The following UGT1A8 variants were observed in gnomAD, a reference collection of about 807,000 sequenced individuals.
The protein encoded by UGT1A8 is UDP-glucuronosyltransferase 1A8.
A neutral mutation model predicts 45.3 loss-of-function variants in UGT1A8; 39 were observed. The observed-to-expected ratio is 0.86, with a 90% CI of 0.67 to 1.12. UGT1A8 has a LOEUF of 1.12. Ranked by LOEUF, UGT1A8 falls within the 50% of genes most tolerant of loss-of-function variation. UGT1A8 has a pLI of 0.00. For missense variants in UGT1A8, 719 were observed against 664.9 expected, an observed-to-expected ratio of 1.08 and a Z score of -0.90; for synonymous variants, 275 against 249.2, an observed-to-expected ratio of 1.10 and a Z score of -0.97.
At chr2:233,747,007 G>A (rs1207556963) in intron 1 of UGT1A8, among the ~76,000 whole-genome samples, 1 of 151,856 alleles carries the variant, frequency 6.6e-6, no homozygotes, top group Non-Finnish European at 1.5e-5. Context: ...TTTCAAGTAG[G>A]AGTGATCGGT....
intron 1 of UGT1A8, chr2:233,671,997 C>T (rs1005652810): frequency 1.5e-5 from 24 of 1,613,980 alleles, no homozygotes; most frequent in Non-Finnish European, 2.0e-5. Flanking sequence ...TGACCTGTGG[C>T]TTTGCCGAGG....
intron 1 of UGT1A8, among the ~76,000 whole-genome samples, chr2:233,699,366 T>C (rs908833552): frequency 1.3e-5 from 2 of 152,240 alleles, no homozygotes; most frequent in African/African-American, 4.8e-5. Flanking sequence ...CTTATTGGTA[T>C]GGCTAGATTT....
intron 1 of UGT1A8, among the ~76,000 whole-genome samples, chr2:233,726,736 G>A (rs531749888): frequency 1.4e-4 from 22 of 152,274 alleles, no homozygotes; most frequent in African/African-American, 3.9e-4. Context: ...ATACTTTTGT[G>A]GGGCTGTGAT....
intron 1 of UGT1A8, among the ~76,000 whole-genome samples, chr2:233,678,168 A>G (rs7587916): frequency 0.65 from 98,049 of 152,002 alleles, 32,118 homozygotes; most frequent in African/African-American, 0.73. Flanking sequence ...GACTCCTAAA[A>G]GGGAGAGGAA....
rs1575628986 is a variant in UGT1A8 at position 233,739,340 on chromosome 2, A to AT, written c.856-27694_856-27693insT. 3.9e-5 allele frequency among the ~76,000 whole-genome samples: 6 copies of AT among 152,276 alleles called. No individual in the cohort carries two copies. In the East Asian group the frequency reaches 5.8e-4, roughly 15 times the overall value. On this transcript the variant is annotated intron_variant, in intron 1 of 4. Coordinates refer to ENST00000373450, the MANE Select transcript of UGT1A8 (RefSeq NM_019076.5). Reference sequence around the variant, plus strand: ...GAGAAGAAGGCCACAGTCCTTCAGAACCCAGAAGGGCAGATCCAATAGCTT... The same window carrying AT: ...GAGAAGAAGGCCACAGTCCTTCAGAATCCCAGAAGGGCAGATCCAATAGCTT...
At chr2:233,672,437 T>C (rs145923738) in intron 1 of UGT1A8, 199 of 1,613,868 alleles carry the variant, frequency 1.2e-4, no homozygotes, top group Non-Finnish European at 1.4e-4. Flanking sequence ...TCCGTGGTCT[T>C]CGCCAGGGGA....
At chr2:233,628,727 G>C (rs2073134898) in intron 1 of UGT1A8, among the ~76,000 whole-genome samples, 1 of 152,074 alleles carries the variant, frequency 6.6e-6, no homozygotes. Flanking sequence ...TCACCATCAA[G>C]GATGATATTA....
At chr2:233,731,900 A>G (rs2078218151) in intron 1 of UGT1A8, among the ~76,000 whole-genome samples, 1 of 152,238 alleles carries the variant, frequency 6.6e-6, no homozygotes. Flanking sequence ...CACTCCCACC[A>G]ATGGTGTAAA....
chr2:233,766,851 A>G (rs1202142571), intron 1 of UGT1A8, among the ~76,000 whole-genome samples, 183 bp from the exon 2 acceptor site: 1 of 152,234 alleles, frequency 6.6e-6, no homozygotes, highest in Non-Finnish European at 1.5e-5. Flanking sequence ...TTCCTCCTTT[A>G]GAAGGAAGTA....
In UGT1A8 at chr2:233,768,069, G is replaced by T. The variant is rs191770279; in HGVS notation, c.1075+133G>T. ...CATATCCTACATTGCTTTTTATCTAGTGGGGTATCTCAACCCACATTTTCT... is the reference window on the plus strand; with the variant it reads ...CATATCCTACATTGCTTTTTATCTATTGGGGTATCTCAACCCACATTTTCT... On this transcript the variant is annotated intron_variant, in intron 3 of 4. Transcript: ENST00000373450. The T allele has an allele frequency of 3.1e-6, 5 of 1,596,368 alleles. No homozygotes were observed. In the East Asian group the frequency reaches 1.1e-4, roughly 36 times the overall value.
intron 1 of UGT1A8, among the ~76,000 whole-genome samples, chr2:233,638,227 C>G (rs559006564): frequency 4.6e-5 from 7 of 152,230 alleles, no homozygotes; most frequent in Non-Finnish European, 1.0e-4. Context: ...AAAATTTTCA[C>G]TATATAAGCA....
chr2:233,726,805 G>A (rs2077562832), intron 1 of UGT1A8, among the ~76,000 whole-genome samples: 1 of 152,144 alleles, frequency 6.6e-6, no homozygotes, highest in African/African-American at 2.4e-5. Flanking sequence ...AAGGCTTGGA[G>A]GTTTTCCTCT....
At chr2:233,689,215 AC>A (rs2074932352) in intron 1 of UGT1A8, among the ~76,000 whole-genome samples, 1 of 152,178 alleles carries the variant, frequency 6.6e-6, no homozygotes, top group South Asian at 2.1e-4. Flanking sequence ...AGCCATACTT[AC>A]CTGCACTTCC....
At chr2:233,719,637 A>T in intron 1 of UGT1A8, 1 of 1,614,040 alleles carries the variant, frequency 6.2e-7, no homozygotes. Flanking sequence ...CATGCCCAAC[A>T]TGGTCTTCAT....
At chr2:233,752,269 G>A (rs746568947) in intron 1 of UGT1A8, 1 of 152,190 alleles carries the variant, frequency 6.6e-6, no homozygotes, top group Non-Finnish European at 1.5e-5. Flanking sequence ...AGGACTCCAG[G>A]TCTCTTGGGG....
intron 1 of UGT1A8, chr2:233,747,077 TAGG>T: frequency 9.2e-7 from 1 of 1,083,878 alleles, no homozygotes; most frequent in South Asian, 1.6e-5. Context: ...AATAATTAAC[TAGG>T]AGGAGAGCAC....
chr2:233,717,910 C>T (rs533075962), intron 1 of UGT1A8: 5 of 454,782 alleles, frequency 1.1e-5, no homozygotes, highest in Admixed American at 4.7e-5. Context: ...GAAATAAAGG[C>T]CTGGATGAAT....
Position 233,769,464 on chromosome 2 carries a change from CGTGTGTGT to C in UGT1A8, c.1295+1033_1295+1040del. 6.7e-7 allele frequency: 1 copy of C among 1,503,278 alleles called. No homozygotes were observed. The highest frequency in any genetic ancestry group is 9.1e-7 in the Non-Finnish European group (1 of 1,095,312). The allele number at this position is 1,503,278 out of a possible 1,614,324, so 93.1% of individuals were successfully genotyped here. A position where few individuals can be genotyped will look rare whatever the true frequency, so the allele number is the denominator to read the frequency against. Reference sequence around the variant, plus strand: ...GGGTGCACACGTGTGCATTCATATGCGTGTGTGTGTGTGTGCGTGTGTTTATGAGAGTG... The same window carrying C: ...GGGTGCACACGTGTGCATTCATATGCGTGTGTGCGTGTGTTTATGAGAGTG... On this transcript the variant is annotated intron_variant, in intron 4 of 4. Transcript: ENST00000373450. The surrounding 1 kb of genome is among the most constrained non-coding windows in gnomAD (Gnocchi z 4.4).
At chr2:233,733,813 G>T (rs2078440329) in intron 1 of UGT1A8, among the ~76,000 whole-genome samples, 1 of 152,202 alleles carries the variant, frequency 6.6e-6, no homozygotes, top group East Asian at 1.9e-4. Context: ...GATGATGCTG[G>T]CCTCATAAAA....
Sources: allele counts gnomAD v4.1 joint callset (sites outside exome capture counted in the v4.1 genomes callset), GRCh38; gene constraint gnomAD v4.1.1; non-coding constraint Gnocchi (gnomAD v3.1); transcripts MANE v1.5; gene names NCBI Gene and HGNC (gene_info 2026-07-23, HGNC 2026-07-21).